Variants in CADM2 observed in about 807,000 individuals in gnomAD.
CADM2 encodes the protein immunoglobulin superfamily member 4D.
CADM2 carries 12 observed loss-of-function variants against 49.8 expected under a neutral mutation model. The ratio of observed to expected loss-of-function variants is 0.24; its 90% CI spans 0.15 to 0.39. The LOEUF is 0.39. Among genes scored for constraint, CADM2 ranks in the 10% least tolerant of loss-of-function variants. The pLI is 1.00. For missense variants in CADM2, 378 were observed against 492.3 expected (o/e 0.77, Z 2.20); for synonymous variants, 214 against 175.4 (o/e 1.22, Z -1.74).
chr3:85,013,594 T>G (rs2034099617), intron 1 of CADM2, among the ~76,000 whole-genome samples: 1 of 151,578 alleles, frequency 6.6e-6, no homozygotes, highest in Non-Finnish European at 1.5e-5. Flanking sequence ...CAATAACAAT[T>G]GTAGCTAACA....
chr3:85,144,583 G>A (rs2039675291), intron 1 of CADM2, among the ~76,000 whole-genome samples: 1 of 147,562 alleles, frequency 6.8e-6, no homozygotes, highest in African/African-American at 2.6e-5. Flanking sequence ...CTGCACTCCT[G>A]CCTGGGTGAC....
At chr3:85,354,209 G>T (rs1432732504) in intron 1 of CADM2, among the ~76,000 whole-genome samples, 1 of 151,608 alleles carries the variant, frequency 6.6e-6, no homozygotes, top group Non-Finnish European at 1.5e-5. Flanking sequence ...CCAATATTTA[G>T]AAAATTCTTG....
At position 85,554,927 on chromosome 3, in the gene CADM2, G is replaced by A. The variant is rs1490650485; in HGVS notation, c.62-171595G>A. On this transcript the variant is annotated intron_variant, in intron 1 of 9. Coordinates refer to ENST00000383699, the MANE Select transcript of CADM2 (RefSeq NM_001167675.2). ...GACTGTGTCTCACTTTGTTGCCAGGGCTGGTCATGAACTCCCAGCCTCAAA... is the reference window on the plus strand; with the variant it reads ...GACTGTGTCTCACTTTGTTGCCAGGACTGGTCATGAACTCCCAGCCTCAAA... Among the ~76,000 whole-genome samples the A allele has an allele frequency of 2.7e-5, 4 of 150,266 alleles. No homozygotes were observed. In the East Asian group the frequency reaches 7.8e-4, roughly 29 times the overall value.
intron 1 of CADM2, among the ~76,000 whole-genome samples, chr3:85,046,413 C>A (rs1174164826): frequency 6.6e-6 from 1 of 150,392 alleles, no homozygotes; most frequent in Non-Finnish European, 1.5e-5. Context: ...ACAGCAAAAT[C>A]CCACGGGGTC....
chr3:85,498,761 G>A (rs1351154269), intron 1 of CADM2, among the ~76,000 whole-genome samples: 4 of 152,040 alleles, frequency 2.6e-5, no homozygotes, highest in East Asian at 3.9e-4. Context: ...CGAGGTTCAC[G>A]GGAATTTAAC....
At chr3:85,413,897 C>T (rs2035793818) in intron 1 of CADM2, among the ~76,000 whole-genome samples, 1 of 152,012 alleles carries the variant, frequency 6.6e-6, no homozygotes, top group Non-Finnish European at 1.5e-5. Flanking sequence ...CAGAGTCTCG[C>T]TGTGTTGCCC....
chr3:85,841,197 A>C (rs1412397705), intron 3 of CADM2, among the ~76,000 whole-genome samples: 1 of 151,902 alleles, frequency 6.6e-6, no homozygotes, highest in Non-Finnish European at 1.5e-5. Flanking sequence ...CAAAACTTAA[A>C]ATTGAATATT....
At chr3:85,664,322 G>T (rs1183004369) in intron 1 of CADM2, among the ~76,000 whole-genome samples, 1 of 151,892 alleles carries the variant, frequency 6.6e-6, no homozygotes, top group Non-Finnish European at 1.5e-5. Context: ...TATAGCTACA[G>T]GCATTTTCAA....
intron 1 of CADM2, among the ~76,000 whole-genome samples, chr3:85,420,481 CTATTTG>C (rs2036119122): frequency 6.6e-6 from 1 of 152,118 alleles, no homozygotes; most frequent in Non-Finnish European, 1.5e-5. Flanking sequence ...TGTAGAATTT[CTATTTG>C]TATGTCCCAT....
At chr3:85,934,055 A>C (rs1361281387) in intron 6 of CADM2, among the ~76,000 whole-genome samples, 1 of 152,150 alleles carries the variant, frequency 6.6e-6, no homozygotes, top group African/African-American at 2.4e-5. Flanking sequence ...AAACTGACAC[A>C]CAAAATTAAA....
Position 85,244,669 on chromosome 3 carries a change from G to T in CADM2, c.61+285001G>T, listed in dbSNP as rs75197930. 5.3e-3 allele frequency among the ~76,000 whole-genome samples: 805 copies of T among 152,162 alleles called. 4 individuals carry two copies. The highest frequency in any genetic ancestry group is 0.018 in the African/African-American group (764 of 41,532). ...ACAATTCAATTCCTCTCCACTGAAGGCTGCTATCCGAAAGTAACTCCTTTA... is the reference window on the plus strand; with the variant it reads ...ACAATTCAATTCCTCTCCACTGAAGTCTGCTATCCGAAAGTAACTCCTTTA... On this transcript the variant is annotated intron_variant, in intron 1 of 9. Coordinates refer to ENST00000383699, the MANE Select transcript of CADM2 (RefSeq NM_001167675.2).
chr3:85,238,271 A>C (rs2042453896), intron 1 of CADM2, among the ~76,000 whole-genome samples: 1 of 152,040 alleles, frequency 6.6e-6, no homozygotes, highest in Non-Finnish European at 1.5e-5. Flanking sequence ...AAGGAATGGT[A>C]TACCATTTTT....
chr3:85,019,274 G>A (rs989081398), intron 1 of CADM2, among the ~76,000 whole-genome samples: 1 of 152,250 alleles, frequency 6.6e-6, no homozygotes, highest in Admixed American at 6.5e-5. Context: ...CTTGAGCCCA[G>A]AAGTTTGCGA....
At chr3:85,117,212 C>G (rs912914494) in intron 1 of CADM2, among the ~76,000 whole-genome samples, 2 of 150,758 alleles carry the variant, frequency 1.3e-5, no homozygotes, top group Non-Finnish European at 2.9e-5. Flanking sequence ...CAGAGCAAGA[C>G]TCAGTCTCAA....
At chr3:85,891,242 C>T (rs1348402073) in intron 5 of CADM2, among the ~76,000 whole-genome samples, 1 of 152,154 alleles carries the variant, frequency 6.6e-6, no homozygotes, top group African/African-American at 2.4e-5. Context: ...CATTGCCTTC[C>T]TAAGTCTGTC....
chr3:85,543,445 T>TGTGTGTGTGTGTGTGG (rs2061597347), intron 1 of CADM2, among the ~76,000 whole-genome samples: 2 of 150,264 alleles, frequency 1.3e-5, no homozygotes, highest in Admixed American at 1.3e-4. Flanking sequence ...TGTGTGTGTG[T>TGTGTGTGTGTGTGTGG]GTGTGTGTGT....
chr3:86,070,101 A>T lies in CADM2; in HGVS notation c.*3318A>T, dbSNP rs375114669. ...TATTGGAGTTTAATCTAGAAACTGG[A>T]TGATCTCATATTGATTCATGATGCT... On this transcript the variant is annotated 3_prime_UTR_variant, in exon 10 of 10. Coordinates refer to ENST00000383699, the MANE Select transcript of CADM2 (RefSeq NM_001167675.2). 2 of 152,106 alleles carry T rather than the reference A, an allele frequency of 1.3e-5. No individual in the cohort carries two copies. Among genetic ancestry groups the T allele is most frequent in the African/African-American group, 4.8e-5 (2 of 41,558 alleles). 9.4% of individuals were successfully genotyped at this position (152,106 alleles called of 1,614,324 possible).
At chr3:85,817,078 T>C (rs1450627829) in intron 3 of CADM2, among the ~76,000 whole-genome samples, 1 of 152,222 alleles carries the variant, frequency 6.6e-6, no homozygotes, top group Non-Finnish European at 1.5e-5. Flanking sequence ...TGCAGGCTCT[T>C]GTGAGCCACC....
intron 1 of CADM2, among the ~76,000 whole-genome samples, chr3:84,999,519 G>GC (rs1418642534): frequency 1.3e-5 from 2 of 152,184 alleles, no homozygotes; most frequent in Non-Finnish European, 2.9e-5. Flanking sequence ...CTGTTTGGAG[G>GC]CTATTTTAAA....
Sources: gnomAD v4.1 joint callset for allele counts (sites outside exome capture counted in the v4.1 genomes callset) on GRCh38, gnomAD v4.1.1 for gene constraint, MANE v1.5 for transcripts, NCBI Gene and HGNC (gene_info 2026-07-23, HGNC 2026-07-21) for gene names.